The following AKT3 variants were observed in gnomAD, a reference collection of about 807,000 sequenced individuals.
AKT3 encodes RAC-gamma serine/threonine-protein kinase.
In AKT3, 15 loss-of-function variants were observed where a neutral mutation model predicts 65.3. That is an observed-to-expected ratio of 0.23 (90% CI 0.15 to 0.35). The LOEUF (loss-of-function observed/expected upper bound fraction) is 0.35. Ranked by LOEUF, AKT3 falls within the 10% of genes least tolerant of loss-of-function variation. The probability of loss-of-function intolerance (pLI) is 1.00; values close to 1 mark genes in which losing one functional copy is unlikely to be tolerated. For synonymous variants in AKT3, 206 were observed against 183.8 expected (o/e 1.12, Z -0.98); for missense variants, 243 against 576.5 (o/e 0.42, Z 5.92).
chr1:243,597,375 T>C (rs950273536), intron 8 of AKT3, among the ~76,000 whole-genome samples: 3 of 152,222 alleles, frequency 2.0e-5, no homozygotes, highest in East Asian at 3.8e-4. Context: ...GTGGAAAATA[T>C]ATTAACACGG....
chr1:243,727,270 C>A (rs1359171835), intron 2 of AKT3, among the ~76,000 whole-genome samples: 1 of 152,132 alleles, frequency 6.6e-6, no homozygotes, highest in Non-Finnish European at 1.5e-5. Context: ...AATCAGCATA[C>A]AATACCAAAA....
rs1416395287 is a variant in AKT3, at chr1:243,724,260, G to A, written c.47-28544C>T. ...AAATTGAGGGGAAAAAAAAAAAAAA[G>A]AATCCAGAAAAAGGTAAAACTACCC... On this transcript the variant is annotated intron_variant, in intron 2 of 13. Transcript: ENST00000673466. Among the ~76,000 whole-genome samples the A allele has an allele frequency of 1.1e-4, 16 of 146,452 alleles. No individual in the cohort carries two copies. The East Asian group carries it at 1.4e-3, about 13-fold the overall frequency.
chr1:243,515,388 TAAAAAA>T (rs35064713), intron 12 of AKT3, among the ~76,000 whole-genome samples: 23 of 143,584 alleles, frequency 1.6e-4, no homozygotes, highest in African/African-American at 5.8e-4. Flanking sequence ...TTTACCATGT[TAAAAAA>T]AAAAAAAACC....
chr1:243,516,713 T>A (rs1345148539), intron 12 of AKT3, among the ~76,000 whole-genome samples: 1 of 152,026 alleles, frequency 6.6e-6, no homozygotes, highest in Non-Finnish European at 1.5e-5. Context: ...CCTTGAGCAA[T>A]CCTCCTGCCT....
chr1:243,829,063 C>A (rs1007352189), intron 2 of AKT3, among the ~76,000 whole-genome samples: 1 of 152,038 alleles, frequency 6.6e-6, no homozygotes, highest in Admixed American at 6.6e-5. Context: ...CTTAATTATC[C>A]CCCTTCCTAT....
intron 2 of AKT3, among the ~76,000 whole-genome samples, chr1:243,787,755 A>C (rs576209977): frequency 1.5e-4 from 23 of 152,204 alleles, no homozygotes; most frequent in African/African-American, 5.1e-4. Context: ...GGTTTCTATG[A>C]ATTTCATCTT....
chr1:243,812,106 G>A (rs1038841121), intron 2 of AKT3, among the ~76,000 whole-genome samples: 12 of 152,114 alleles, frequency 7.9e-5, no homozygotes, highest in African/African-American at 2.9e-4. Context: ...CAGGACATAG[G>A]CACGGGCAAG....
intron 6 of AKT3, among the ~76,000 whole-genome samples, chr1:243,629,971 T>C (rs1679482732): frequency 6.6e-6 from 1 of 150,686 alleles, no homozygotes; most frequent in African/African-American, 2.4e-5. Flanking sequence ...CAGAAAAAAG[T>C]CCCCCCACTC....
intron 3 of AKT3, 79 bp from the exon 4 acceptor site, chr1:243,664,962 T>TC: frequency 1.4e-6 from 1 of 727,428 alleles, no homozygotes; most frequent in Non-Finnish European, 2.0e-6. Flanking sequence ...TACAGAGTTC[T>TC]ATTTTAAACA....
At chr1:243,694,824 T>C (rs535686634) in intron 3 of AKT3, among the ~76,000 whole-genome samples, 1 of 152,056 alleles carries the variant, frequency 6.6e-6, no homozygotes, top group African/African-American at 2.4e-5. Context: ...ATAGATAACA[T>C]ATAACCAAAA....
intron 8 of AKT3, among the ~76,000 whole-genome samples, chr1:243,608,776 G>A (rs376301366): frequency 9.0e-4 from 80 of 88,492 alleles, no homozygotes; most frequent in Middle Eastern, 0.026. Flanking sequence ...TTTTTGAGAC[G>A]GAGTCTTGCT....
intron 8 of AKT3, among the ~76,000 whole-genome samples, chr1:243,592,229 G>A (rs1159991807): frequency 6.6e-6 from 1 of 152,078 alleles, no homozygotes; most frequent in Non-Finnish European, 1.5e-5. Flanking sequence ...CAGCTACTCT[G>A]GAGGCTGAGG....
intron 5 of AKT3, among the ~76,000 whole-genome samples, chr1:243,641,432 A>G (rs1356652108): frequency 6.6e-6 from 1 of 151,096 alleles, no homozygotes; most frequent in East Asian, 1.9e-4. Context: ...TTATTGCTCA[A>G]AGTTTCATTT....
At chr1:243,586,975 A>T (rs1675858561) in intron 8 of AKT3, among the ~76,000 whole-genome samples, 1 of 152,248 alleles carries the variant, frequency 6.6e-6, no homozygotes, top group Non-Finnish European at 1.5e-5. Flanking sequence ...TGGAGTATTT[A>T]TAACATGTGA....
At chr1:243,546,069 T>C (rs1045028651) in intron 11 of AKT3, among the ~76,000 whole-genome samples, 1 of 152,128 alleles carries the variant, frequency 6.6e-6, no homozygotes, top group Non-Finnish European at 1.5e-5. Flanking sequence ...AACTGAATCA[T>C]GGGGGCAGGT....
At chr1:243,765,474 A>G (rs1689761678) in intron 2 of AKT3, among the ~76,000 whole-genome samples, 2 of 152,146 alleles carry the variant, frequency 1.3e-5, no homozygotes, top group Non-Finnish European at 2.9e-5. Context: ...CTTCCTAAGT[A>G]TTCATTTCAC....
intron 1 of AKT3, among the ~76,000 whole-genome samples, chr1:243,849,803 G>C (rs1170104574): frequency 6.6e-6 from 1 of 151,770 alleles, no homozygotes; most frequent in Non-Finnish European, 1.5e-5. Context: ...AAAGCGGGGG[G>C]TGTCGGTGTC....
chr1:243,698,744 A>G (rs370621792), intron 2 of AKT3, among the ~76,000 whole-genome samples: 4 of 152,210 alleles, frequency 2.6e-5, no homozygotes, highest in African/African-American at 9.6e-5. Context: ...TTTTAAATTG[A>G]TTTGGTTAAT....
At chr1:243,798,207 C>CTT (rs59975727) in intron 2 of AKT3, among the ~76,000 whole-genome samples, 5 of 97,310 alleles carry the variant, frequency 5.1e-5, no homozygotes, top group Non-Finnish European at 8.2e-5. Context: ...GTGCCAGGCC[C>CTT]TTTTTTTTTT....
Sources: gnomAD v4.1 joint callset for allele counts (sites outside exome capture counted in the v4.1 genomes callset) on GRCh38, gnomAD v4.1.1 for gene constraint, MANE v1.5 for transcripts, NCBI Gene and HGNC (gene_info 2026-07-23, HGNC 2026-07-21) for gene names.